The following CHD5 variants were observed in gnomAD, a reference collection of about 807,000 sequenced individuals.
CHD5 encodes ATP-dependent chromatin remodeler CHD5.
CHD5 carries 69 observed loss-of-function variants against 230.3 expected under a neutral mutation model. The ratio of observed to expected loss-of-function variants is 0.30; its 90% confidence interval spans 0.25 to 0.37. The LOEUF (loss-of-function observed/expected upper bound fraction) is 0.37, where lower values mean the gene tolerates loss of function less well. Among genes scored for constraint, CHD5 ranks in the 10% least tolerant of loss-of-function variants. The probability of loss-of-function intolerance (pLI) is 1.00; values close to 1 mark genes in which losing one functional copy is unlikely to be tolerated. For missense variants in CHD5, 1,827 were observed against 2,622.8 expected (o/e 0.70, Z 6.63); for synonymous variants, 1,064 against 1,065.9 (o/e 1.00, Z 0.03).
rs1206832547 is a variant in CHD5, at chr1:6,149,431, AG to A, written c.995-20del. The A allele has an allele frequency of 6.3e-7, 1 of 1,587,098 alleles. No individual in the cohort carries two copies. Among genetic ancestry groups the A allele is most frequent in the Non-Finnish European group, 8.6e-7 (1 of 1,162,152 alleles). ...TCATCAACTAGGGTAGGGGAGAGGC[AG>A]TCATGGAAGTCCTCATCCACACTCC... is the stretch of plus-strand genomic sequence containing the variant. On this transcript the variant is annotated intron_variant, in intron 7 of 41. Coordinates refer to ENST00000262450, the MANE Select transcript of CHD5 (RefSeq NM_015557.3).
rs770718737 is a variant in CHD5, at chr1:6,142,083, AC to A, written c.2436+44del. On this transcript the variant is annotated intron_variant, in intron 15 of 41. Coordinates refer to ENST00000262450, the MANE Select transcript of CHD5 (RefSeq NM_015557.3). This position sits in a 1 kb window ranked among gnomAD's most constrained non-coding sequence, Gnocchi z 5.2. The stretch of plus-strand genomic sequence containing the variant: ...ACGGCACCCGTGGTCCCTGAACTAG[AC>A]CGGGGGCCTTCCTACCGTCCTTCCA... 1 of 1,560,196 alleles carries A rather than the reference AC, an allele frequency of 6.4e-7. No individual in the cohort carries two copies. The highest frequency in any genetic ancestry group is 8.8e-7 in the Non-Finnish European group (1 of 1,132,422).
rs1286850258 is a variant in CHD5 at position 6,104,891 on chromosome 1, AGGCTCCAAGCG to A, written c.*572_*582del. Reference sequence around the variant, plus strand: ...CAAACCTGCCCTGTCTGGTGCTGGGAGGCTCCAAGCGGGCAGGGGGCCAAATCAGAAGGGGC... The same window carrying A: ...CAAACCTGCCCTGTCTGGTGCTGGGAGGCAGGGGGCCAAATCAGAAGGGGC... On this transcript the variant is annotated 3_prime_UTR_variant, in exon 42 of 42. Coordinates refer to ENST00000262450, the MANE Select transcript of CHD5 (RefSeq NM_015557.3). 1 of 158,998 alleles carries A rather than the reference AGGCTCCAAGCG, an allele frequency of 6.3e-6. No homozygotes were observed. The highest frequency in any genetic ancestry group is 1.9e-4 in the East Asian group (1 of 5,350). The allele number at this position is 158,998 out of a possible 1,614,324, so 9.8% of individuals were successfully genotyped here. A position where few individuals can be genotyped will look rare whatever the true frequency, so the allele number is the denominator to read the frequency against.
In CHD5 at chr1:6,121,428, G is replaced by A. The variant is rs1666469204; in HGVS notation, c.4779+66C>T. ...TTCCACCTCGCTGTACAGGGCCTGA[G>A]AAGGTCCCCAGACCCAACCTCCACC... is the stretch of plus-strand genomic sequence containing the variant. On this transcript the variant is annotated intron_variant, in intron 32 of 41. Coordinates refer to ENST00000262450, the MANE Select transcript of CHD5 (RefSeq NM_015557.3). The surrounding 1 kb of genome is among the most constrained non-coding windows in gnomAD (Gnocchi z 4.5). The A allele has an allele frequency of 6.6e-7, 1 of 1,514,174 alleles. No individual in the cohort carries two copies. The highest frequency in any genetic ancestry group is 1.2e-5 in the South Asian group (1 of 86,236). The allele number at this position is 1,514,174 out of a possible 1,614,324, so 93.8% of individuals were successfully genotyped here.
intron 30 of CHD5, 69 bp downstream of exon 30, chr1:6,124,448 C>G: frequency 6.4e-7 from 1 of 1,556,470 alleles, no homozygotes; most frequent in Non-Finnish European, 8.9e-7. Flanking sequence ...TGACCACTGA[C>G]CCACAAGGGA....
At position 6,134,678 on chromosome 1, in the gene CHD5, C is replaced by G; in HGVS notation, c.3012+40G>C. The G allele has an allele frequency of 6.2e-7, 1 of 1,600,674 alleles. No individual in the cohort carries two copies. Among genetic ancestry groups the G allele is most frequent in the South Asian group, 1.1e-5 (1 of 90,560 alleles). On this transcript the variant is annotated intron_variant, in intron 19 of 41. Coordinates refer to ENST00000262450, the MANE Select transcript of CHD5 (RefSeq NM_015557.3). The surrounding 1 kb of genome is among the most constrained non-coding windows in gnomAD (Gnocchi z 6.3). ...TGGCGGCCACAGGCACCTACCATGG[C>G]GGTCATGGAGAAGCTGCCATGATGG...
At position 6,180,036 on chromosome 1, in the gene CHD5, G is replaced by T; in HGVS notation, c.-13C>A. 1 of 1,300,804 alleles carries T rather than the reference G, an allele frequency of 7.7e-7. No individual in the cohort carries two copies. Among genetic ancestry groups the T allele is most frequent in the South Asian group, 1.6e-5 (1 of 62,098 alleles). 80.6% of individuals were successfully genotyped at this position (1,300,804 alleles called of 1,614,324 possible). A position where few individuals can be genotyped will look rare whatever the true frequency, so the allele number is the denominator to read the frequency against. ...CTGGGCCCCGCATGCCCGGCGCGGG[G>T]AGGAGGGGAGGTGGGCGCCCCCCCT... On this transcript the variant is annotated 5_prime_UTR_variant, in exon 1 of 42. Coordinates refer to ENST00000262450, the MANE Select transcript of CHD5 (RefSeq NM_015557.3).
In CHD5 at chr1:6,167,905, G is replaced by A. The variant is rs548713361; in HGVS notation, c.207+245C>T. Among the ~76,000 whole-genome samples the A allele has an allele frequency of 3.3e-5, 5 of 152,286 alleles. No homozygotes were observed. Among genetic ancestry groups the A allele is most frequent in the Non-Finnish European group, 7.4e-5 (5 of 68,024 alleles). On this transcript the variant is annotated intron_variant, in intron 2 of 41. Transcript: ENST00000262450. This position sits in a 1 kb window ranked among gnomAD's most constrained non-coding sequence, Gnocchi z 4.5. ...TGTCCCTCGCACAGGATAGGACAACGGGAGGAAGGAAAAATGACGCTCCGA... is the reference window on the plus strand; with the variant it reads ...TGTCCCTCGCACAGGATAGGACAACAGGAGGAAGGAAAAATGACGCTCCGA...
Position 6,110,502 on chromosome 1 carries a change from G to A in CHD5, c.5274C>T (p.Asp1758=). 6.2e-7 allele frequency: 1 copy of A among 1,613,862 alleles called. No individual in the cohort carries two copies. The highest frequency in any genetic ancestry group is 1.1e-5 in the South Asian group (1 of 91,078). ...IVTHGYARWQ[D]IQNDPRYMIL... ...TCATGTACCGTGGGTCATTCTGGATGTCCTGCCAGCGGGCGTAGCCGTGCC... is the reference window on the plus strand; with the variant it reads ...TCATGTACCGTGGGTCATTCTGGATATCCTGCCAGCGGGCGTAGCCGTGCC... Residue 1758 remains aspartate (D), a synonymous_variant, in exon 37 of 42, where the codon GAC becomes GAT. Transcript: ENST00000262450.
At chr1:6,145,289 C>T (rs12067480) in intron 11 of CHD5, among the ~76,000 whole-genome samples, 26,557 of 152,186 alleles carry the variant, frequency 0.17, 2,829 homozygotes, top group East Asian at 0.41. Context: ...GAACATCTGG[C>T]TCAGGCTTTT....
At chr1:6,133,838 C>T (rs912032973) in intron 20 of CHD5, among the ~76,000 whole-genome samples, 3 of 152,252 alleles carry the variant, frequency 2.0e-5, no homozygotes, top group African/African-American at 7.2e-5. Context: ...AGCCAGGCTG[C>T]GGGGGAGAGG....
intron 15 of CHD5, among the ~76,000 whole-genome samples, chr1:6,138,628 C>A (rs904423828): frequency 6.6e-6 from 1 of 152,224 alleles, no homozygotes; most frequent in Non-Finnish European, 1.5e-5. Flanking sequence ...GGTTTGCACA[C>A]AATCTTTTAG....
intron 6 of CHD5, among the ~76,000 whole-genome samples, chr1:6,151,846 G>A (rs2100866255): frequency 6.6e-6 from 1 of 152,286 alleles, no homozygotes; most frequent in East Asian, 1.9e-4. Flanking sequence ...GGGTGAGGAG[G>A]GCGAATGCCC....
At chr1:6,165,917 G>A (rs1054502928) in intron 2 of CHD5, among the ~76,000 whole-genome samples, 3 of 152,070 alleles carry the variant, frequency 2.0e-5, no homozygotes, top group Admixed American at 1.3e-4. Flanking sequence ...CGGGGAAGAT[G>A]CAAGAGCCGC....
chr1:6,170,682 G>A (rs1379150636), intron 1 of CHD5, among the ~76,000 whole-genome samples: 1 of 152,226 alleles, frequency 6.6e-6, no homozygotes, highest in Non-Finnish European at 1.5e-5. Context: ...GTTTATGTGG[G>A]TGAGGCCCCA....
In CHD5 at chr1:6,112,285, G is replaced by C. The variant is rs1005376165; in HGVS notation, c.5003-8C>G. 3 of 1,613,074 alleles carry C rather than the reference G, an allele frequency of 1.9e-6. No individual in the cohort carries two copies. The highest frequency in any genetic ancestry group is 1.7e-5 in the Admixed American group (1 of 59,884). On this transcript the variant is annotated splice_polypyrimidine_tract_variant and splice_region_variant and intron_variant, in intron 34 of 41. Transcript: ENST00000262450. The stretch of plus-strand genomic sequence containing the variant: ...CCTCAGCCTTGGTGTCATCTGCCGG[G>C]GACAGATCACATTCATTCATCCATC...
In CHD5 at chr1:6,146,620, C is replaced by A. The variant is rs1470712265; in HGVS notation, c.1590+45G>T. On this transcript the variant is annotated intron_variant, in intron 10 of 41. Coordinates refer to ENST00000262450, the MANE Select transcript of CHD5 (RefSeq NM_015557.3). This position sits in a 1 kb window ranked among gnomAD's most constrained non-coding sequence, Gnocchi z 5.1. ...CGCCAGCCCAGGAGGGTCCAGGGCT[C>A]ACCAGGTCCCGGGCCTTAGCACAGC... The A allele has an allele frequency of 6.3e-7, 1 of 1,593,646 alleles. No individual in the cohort carries two copies. The highest frequency in any genetic ancestry group is 1.1e-5 in the South Asian group (1 of 90,576).
In CHD5 at chr1:6,131,799, T is replaced by C. The variant is rs2100848636; in HGVS notation, c.3145-51A>G. On this transcript the variant is annotated intron_variant, in intron 20 of 41. Transcript: ENST00000262450. This position sits in a 1 kb window ranked among gnomAD's most constrained non-coding sequence, Gnocchi z 5.0. ...AACTGCCAAGGAGCAAGGGGCCCCA[T>C]GGGCCATGGGCGGGGACCCCGCCAC... 1 of 1,203,016 alleles carries C rather than the reference T, an allele frequency of 8.3e-7. No homozygotes were observed. Among genetic ancestry groups the C allele is most frequent in the Non-Finnish European group, 1.2e-6 (1 of 819,700 alleles). The allele number at this position is 1,203,016 out of a possible 1,614,324, so 74.5% of individuals were successfully genotyped here.
At chr1:6,143,984 C>T in intron 12 of CHD5, 40 bp downstream of exon 12, 1 of 1,614,106 alleles carries the variant, frequency 6.2e-7, no homozygotes, top group Non-Finnish European at 8.5e-7. Context: ...GGAGCAGGTC[C>T]CGGCAGCCTG....
Position 6,125,597 on chromosome 1 carries a change from G to C in CHD5, c.4187C>G (p.Ser1396Cys), listed in dbSNP as rs1049610312. The C allele has an allele frequency of 6.2e-7, 1 of 1,608,526 alleles. No individual in the cohort carries two copies. Among genetic ancestry groups the C allele is most frequent in the South Asian group, 1.1e-5 (1 of 90,468 alleles). Residue 1396 changes from serine to cysteine, a missense_variant, in exon 28 of 42, where the codon TCC (serine) becomes TGC (cysteine). Ser to Cys is a moderately radical substitution (Grantham distance 112, BLOSUM62 -1). Coordinates refer to ENST00000262450, the MANE Select transcript of CHD5 (RefSeq NM_015557.3). The surrounding 1 kb of genome is among the most constrained non-coding windows in gnomAD (Gnocchi z 6.7). Reference sequence around the variant, plus strand: ...CCTGTCACTCTTCAGCTGCCTCCGGGATTGTCGTCGTCCACCTGGGGAGCA... The same window carrying C: ...CCTGTCACTCTTCAGCTGCCTCCGGCATTGTCGTCGTCCACCTGGGGAGCA... ...RPEGQSGRRQ[S>C]RRQLKSDRDK...
Sources: gnomAD v4.1 joint callset for allele counts (sites outside exome capture counted in the v4.1 genomes callset) on GRCh38, gnomAD v4.1.1 for gene constraint, Gnocchi (gnomAD v3.1) non-coding constraint, MANE v1.5 for transcripts, NCBI Gene and HGNC (gene_info 2026-07-23, HGNC 2026-07-21) for gene names.